The following KCNJ6 variants were observed in gnomAD, a reference collection of about 807,000 sequenced individuals.
KCNJ6 encodes potassium inwardly rectifying channel subfamily J member 6, also known as G protein-activated inward rectifier potassium channel 2.
In KCNJ6, 9 loss-of-function variants were observed where a neutral mutation model predicts 34.2. The ratio of observed to expected loss-of-function variants is 0.26; its 90% CI spans 0.16 to 0.46. The LOEUF is 0.46. Among genes scored for constraint, KCNJ6 ranks in the 20% least tolerant of loss-of-function variants. The pLI is 1.00. For synonymous variants in KCNJ6, 196 were observed against 207.1 expected, an observed-to-expected ratio of 0.95 and a Z score of 0.46; for missense variants, 236 against 531.3, an observed-to-expected ratio of 0.44 and a Z score of 5.46.
In KCNJ6 at chr21:37,622,172, C is replaced by T. The variant is rs886077092; in HGVS notation, c.*2987G>A. 3 of 152,160 alleles carry T rather than the reference C, an allele frequency of 2.0e-5. No individual in the cohort carries two copies. The highest frequency in any genetic ancestry group is 7.2e-5 in the African/African-American group (3 of 41,422). 9.4% of individuals were successfully genotyped at this position (152,160 alleles called of 1,614,324 possible). ...CCCACCATGCTTTATGGAAAAATGACTCAAATACATTAACCAAACAGACCA... is the reference window on the plus strand; with the variant it reads ...CCCACCATGCTTTATGGAAAAATGATTCAAATACATTAACCAAACAGACCA... On this transcript the variant is annotated 3_prime_UTR_variant, in exon 4 of 4. Coordinates refer to ENST00000609713, the MANE Select transcript of KCNJ6 (RefSeq NM_002240.5).
Position 37,695,228 on chromosome 21 carries a change from G to A in KCNJ6, c.946+18983C>T, listed in dbSNP as rs2054658744. On this transcript the variant is annotated intron_variant, in intron 3 of 3. Coordinates refer to ENST00000609713, the MANE Select transcript of KCNJ6 (RefSeq NM_002240.5). This position sits in a 1 kb window ranked among gnomAD's most constrained non-coding sequence, Gnocchi z 4.2. Reference sequence around the variant, plus strand: ...ATTCCAGGCATTGTTGCAACCACAAGGGAGACCTGGCTTGTTACAGAACTT... The same window carrying A: ...ATTCCAGGCATTGTTGCAACCACAAAGGAGACCTGGCTTGTTACAGAACTT... 6.6e-6 allele frequency among the ~76,000 whole-genome samples: 1 copy of A among 152,186 alleles called. No individual in the cohort carries two copies. The highest frequency in any genetic ancestry group is 2.1e-4 in the South Asian group (1 of 4,824).
chr21:37,801,846 T>C (rs1210149968), intron 2 of KCNJ6, among the ~76,000 whole-genome samples: 1 of 152,178 alleles, frequency 6.6e-6, no homozygotes, highest in Non-Finnish European at 1.5e-5. Context: ...TTATTTGGTA[T>C]TTCTCAAAGC....
chr21:37,760,319 T>C (rs2055054442), intron 2 of KCNJ6, among the ~76,000 whole-genome samples: 1 of 152,208 alleles, frequency 6.6e-6, no homozygotes, highest in South Asian at 2.1e-4. Flanking sequence ...ACAAGGAAAC[T>C]GAGCCACAGA....
At chr21:37,807,464 G>A (rs2055299100) in intron 2 of KCNJ6, among the ~76,000 whole-genome samples, 1 of 152,228 alleles carries the variant, frequency 6.6e-6, no homozygotes, top group African/African-American at 2.4e-5. Context: ...ACACAGTCAT[G>A]TGTCGCATAA....
At chr21:37,873,252 G>A (rs897990412) in intron 1 of KCNJ6, among the ~76,000 whole-genome samples, 1 of 152,084 alleles carries the variant, frequency 6.6e-6, no homozygotes, top group African/African-American at 2.4e-5. Flanking sequence ...GACTGCCGAC[G>A]ATGGCTGTCA....
At chr21:37,665,032 G>A (rs1365720662) in intron 3 of KCNJ6, among the ~76,000 whole-genome samples, 2 of 151,896 alleles carry the variant, frequency 1.3e-5, no homozygotes, top group East Asian at 3.9e-4. Flanking sequence ...TCCTGACCTT[G>A]GGATCCGCCT....
intron 1 of KCNJ6, among the ~76,000 whole-genome samples, chr21:37,908,689 C>T (rs1415846543): frequency 6.6e-6 from 1 of 152,166 alleles, no homozygotes; most frequent in African/African-American, 2.4e-5. Flanking sequence ...GAATCATCTA[C>T]ACCTACTCCA....
At chr21:37,688,559 G>A (rs1216274448) in intron 3 of KCNJ6, among the ~76,000 whole-genome samples, 1 of 152,116 alleles carries the variant, frequency 6.6e-6, no homozygotes, top group Non-Finnish European at 1.5e-5. Context: ...TGAGTGAAAG[G>A]GCTCTGGACA....
intron 2 of KCNJ6, among the ~76,000 whole-genome samples, chr21:37,727,279 T>C (rs1304262968): frequency 6.6e-6 from 1 of 152,178 alleles, no homozygotes; most frequent in African/African-American, 2.4e-5. Flanking sequence ...TGGCAACCCC[T>C]GGAAACTAAT....
chr21:37,902,756 T>C (rs1294283173), intron 1 of KCNJ6, among the ~76,000 whole-genome samples: 2 of 152,304 alleles, frequency 1.3e-5, no homozygotes, highest in Middle Eastern at 3.4e-3. Context: ...GGTGAGAAGA[T>C]AAAAGCTCAA....
In KCNJ6 at chr21:37,865,567, C is replaced by T. The variant is rs186737034; in HGVS notation, c.-27-24858G>A. Among the ~76,000 whole-genome samples, 36 of 151,922 alleles carry T rather than the reference C, an allele frequency of 2.4e-4. 1 individual carries two copies. Among genetic ancestry groups the T allele is most frequent in the Middle Eastern group, 6.8e-3 (2 of 294 alleles). ...GGTAGAACAAGCAATTTTTTGAGCT[C>T]CTTATAGCTTATCTAATTAATCATT... On this transcript the variant is annotated intron_variant, in intron 1 of 3. Coordinates refer to ENST00000609713, the MANE Select transcript of KCNJ6 (RefSeq NM_002240.5).
intron 2 of KCNJ6, among the ~76,000 whole-genome samples, chr21:37,757,976 C>T (rs1454672979): frequency 6.6e-6 from 1 of 152,216 alleles, no homozygotes; most frequent in Non-Finnish European, 1.5e-5. Context: ...TGCATTCACC[C>T]ACCTCCTGCG....
chr21:37,769,327 C>A (rs2123502066), intron 2 of KCNJ6, among the ~76,000 whole-genome samples: 1 of 152,084 alleles, frequency 6.6e-6, no homozygotes, highest in Admixed American at 6.6e-5. Flanking sequence ...AGATACCCCC[C>A]ACCCCTTTTA....
rs1569438914 is a variant in KCNJ6 at position 37,655,218 on chromosome 21, TGTGTGTGAGAGAGAGAGA to T, written c.947-29752_947-29735del. 6.5e-3 allele frequency among the ~76,000 whole-genome samples: 91 copies of T among 13,930 alleles called. 3 individuals are homozygous for T. Among genetic ancestry groups the T allele is most frequent in the East Asian group, 0.045 (8 of 176 alleles). 9.1% of individuals were successfully genotyped at this position (13,930 alleles called of 152,430 possible). On this transcript the variant is annotated intron_variant, in intron 3 of 3. Transcript: ENST00000609713. ...GTGTGTGTGTGTGTGTGTGTGTGTG[TGTGTGTGAGAGAGAGAGA>T]GAGAGAGAGAGAGAGAGAGAGAGAG...
chr21:37,734,981 C>T (rs1454651668), intron 2 of KCNJ6, among the ~76,000 whole-genome samples: 2 of 152,170 alleles, frequency 1.3e-5, no homozygotes, highest in East Asian at 1.9e-4. Context: ...GGCACACCCC[C>T]ACTATGCCTT....
chr21:37,740,358 T>C (rs2054934784), intron 2 of KCNJ6, among the ~76,000 whole-genome samples: 3 of 152,168 alleles, frequency 2.0e-5, no homozygotes, highest in African/African-American at 4.8e-5. Context: ...ACCTGGAGGC[T>C]TCAGCTGCAT....
chr21:37,734,027 G>T (rs2054900163), intron 2 of KCNJ6, among the ~76,000 whole-genome samples: 2 of 152,170 alleles, frequency 1.3e-5, no homozygotes, highest in African/African-American at 4.8e-5. Context: ...GTTCAGTCCT[G>T]CCAGCTTCAT....
intron 1 of KCNJ6, among the ~76,000 whole-genome samples, chr21:37,898,145 G>A (rs2055798536): frequency 6.6e-6 from 1 of 152,228 alleles, no homozygotes; most frequent in Non-Finnish European, 1.5e-5. Flanking sequence ...CACACATGGT[G>A]TGTCTGAGCA....
At chr21:37,711,762 C>A (rs1448801022) in intron 3 of KCNJ6, among the ~76,000 whole-genome samples, 1 of 151,760 alleles carries the variant, frequency 6.6e-6, no homozygotes, top group African/African-American at 2.4e-5. Context: ...GACCAAGACA[C>A]TTCCAGTTTC....
Sources: gnomAD v4.1 joint callset for allele counts (sites outside exome capture counted in the v4.1 genomes callset) on GRCh38, gnomAD v4.1.1 for gene constraint, Gnocchi (gnomAD v3.1) non-coding constraint, MANE v1.5 for transcripts, NCBI Gene and HGNC (gene_info 2026-07-23, HGNC 2026-07-21) for gene names.